Variants in EXTL2 observed in about 807,000 individuals in gnomAD.
The protein encoded by EXTL2 is exostosin-like 2.
A neutral mutation model predicts 30.7 loss-of-function variants in EXTL2; 23 were observed. That is an observed-to-expected ratio of 0.75 (90% CI 0.54 to 1.06). The LOEUF is 1.06. Among genes scored for constraint, EXTL2 ranks in the 50% least tolerant of loss-of-function variants. The pLI, the probability that EXTL2 is intolerant of heterozygous loss-of-function variation, is 0.00. For synonymous variants in EXTL2, 123 were observed against 133.8 expected (o/e 0.92, Z 0.56); for missense variants, 352 against 396.3 (o/e 0.89, Z 0.95).
At chr1:100,887,859 C>G (rs973812525) in intron 2 of EXTL2, among the ~76,000 whole-genome samples, 1 of 152,106 alleles carries the variant, frequency 6.6e-6, no homozygotes, top group Non-Finnish European at 1.5e-5. Context: ...CCATCACACC[C>G]GGCAAATTTT....
At chr1:100,875,230 GAC>G (rs10547668) in intron 4 of EXTL2, among the ~76,000 whole-genome samples, 28,924 of 149,268 alleles carry the variant, frequency 0.19, 2,812 homozygotes, top group African/African-American at 0.26. Context: ...CAGAACTAGG[GAC>G]ACACACACAC....
At position 100,888,822 on chromosome 1, in the gene EXTL2, CT is replaced by C; in HGVS notation, c.-66del. 7.6e-7 allele frequency: 1 copy of C among 1,310,268 alleles called. No homozygotes were observed. Among genetic ancestry groups the C allele is most frequent in the Non-Finnish European group, 1.1e-6 (1 of 945,786 alleles). The allele number at this position is 1,310,268 out of a possible 1,614,324, so 81.2% of individuals were successfully genotyped here. ...TCAGTAATTGACAGAAGCAGGCTCA[CT>C]TGTCACTATTAAGATAAATCAAAGA... On this transcript the variant is annotated 5_prime_UTR_variant, in exon 2 of 5. An upstream open reading frame in the 5' UTR loses its in-frame stop. Transcript: ENST00000370114.
In EXTL2 at chr1:100,873,086, C is replaced by A. The variant is rs905109117; in HGVS notation, c.*856G>T. 3 of 151,932 alleles carry A rather than the reference C, an allele frequency of 2.0e-5. No individual in the cohort carries two copies. The highest frequency in any genetic ancestry group is 7.2e-5 in the African/African-American group (3 of 41,398). The allele number at this position is 151,932 out of a possible 1,614,324, so 9.4% of individuals were successfully genotyped here. On this transcript the variant is annotated 3_prime_UTR_variant, in exon 5 of 5. Transcript: ENST00000370114. ...GTTTTAACTTCTGCCAGTTCTTACT[C>A]ATTTTTTTCAGGTTTTTTATACATT...
intron 2 of EXTL2, chr1:100,880,882 A>T: frequency 1.2e-6 from 1 of 834,810 alleles, no homozygotes; most frequent in Non-Finnish European, 1.4e-6. Context: ...TAGCAGTTTT[A>T]ATCTAGAAAA....
chr1:100,878,082 T>G (rs929262247), intron 2 of EXTL2, among the ~76,000 whole-genome samples, 179 bp from the exon 3 acceptor site: 1 of 152,124 alleles, frequency 6.6e-6, no homozygotes, highest in African/African-American at 2.4e-5. Context: ...AGTTTAATAT[T>G]CCCTTCCTTC....
intron 2 of EXTL2, among the ~76,000 whole-genome samples, chr1:100,882,113 A>C (rs1003111456): frequency 3.9e-5 from 6 of 152,214 alleles, no homozygotes; most frequent in African/African-American, 1.4e-4. Context: ...CCACCCATCC[A>C]TGGAAAAATT....
downstream of EXTL2, chr1:100,872,389 G>C (rs1326044291): frequency 6.6e-6 from 1 of 152,410 alleles, no homozygotes; most frequent in Non-Finnish European, 1.5e-5. Context: ...AGAACACATG[G>C]ATGGCAAAAG....
intron 1 of EXTL2, among the ~76,000 whole-genome samples, chr1:100,893,089 TA>T (rs1432727520): frequency 6.6e-6 from 1 of 152,210 alleles, no homozygotes; most frequent in African/African-American, 2.4e-5. Context: ...TCTGCATAGC[TA>T]ACCTAATGCA....
intron 4 of EXTL2, 88 bp from the exon 5 acceptor site, chr1:100,874,518 G>C: frequency 9.3e-7 from 1 of 1,079,760 alleles, no homozygotes; most frequent in Non-Finnish European, 1.3e-6. Context: ...CAGAGAGAAT[G>C]AAACTGATTT....
chr1:100,891,246 A>G (rs1477693128), intron 1 of EXTL2, among the ~76,000 whole-genome samples: 1 of 152,220 alleles, frequency 6.6e-6, no homozygotes, highest in Non-Finnish European at 1.5e-5. Flanking sequence ...AAGGATTAGT[A>G]TGCTTCTGGT....
At position 100,885,922 on chromosome 1, in the gene EXTL2, A is replaced by G. The variant is rs1007362643; in HGVS notation, c.5+2831T>C. On this transcript the variant is annotated intron_variant, in intron 2 of 4. Transcript: ENST00000370114. ...TACTTTTTTCACAAATCTAAAACAA[A>G]ATAATTTAAATTAGTTTGTGTTAAT... The G allele has an allele frequency of 3.9e-5, 6 of 152,282 alleles. No individual in the cohort carries two copies. The East Asian group carries it at 1.2e-3, about 29-fold the overall frequency. The allele number at this position is 152,282 out of a possible 1,614,324, so 9.4% of individuals were successfully genotyped here. A position where few individuals can be genotyped will look rare whatever the true frequency, so the allele number is the denominator to read the frequency against.
At chr1:100,878,920 C>G (rs1408465193) in intron 2 of EXTL2, among the ~76,000 whole-genome samples, 2 of 152,038 alleles carry the variant, frequency 1.3e-5, no homozygotes, top group East Asian at 3.9e-4. Flanking sequence ...ACAACTCGAT[C>G]TCTCACAGTA....
intron 2 of EXTL2, among the ~76,000 whole-genome samples, chr1:100,883,539 A>G (rs577580251): frequency 3.3e-5 from 5 of 152,300 alleles, no homozygotes; most frequent in African/African-American, 9.6e-5. Flanking sequence ...AATGTTTTTG[A>G]GGTTCATCCA....
Position 100,874,284 on chromosome 1 carries a change from G to A in EXTL2, c.651C>T (p.Phe217=). 1 of 1,612,972 alleles carries A rather than the reference G, an allele frequency of 6.2e-7. No homozygotes were observed. Among genetic ancestry groups the A allele is most frequent in the Non-Finnish European group, 8.5e-7 (1 of 1,179,436 alleles). Residue 217 remains phenylalanine, a synonymous_variant, in exon 5 of 5, where the codon TTC becomes TTT. Transcript: ENST00000370114. ...ATAATTCAAGATATTTGCTATTGAA[G>A]AATGAGGCTCCAATCAGCACCATAG... ...QYSMVLIGAS[F]FNSKYLELFQ... is the part of the protein sequence containing the mutation.
At chr1:100,882,876 C>T (rs1157725599) in intron 2 of EXTL2, among the ~76,000 whole-genome samples, 1 of 152,062 alleles carries the variant, frequency 6.6e-6, no homozygotes, top group African/African-American at 2.4e-5. Flanking sequence ...AAATACTGCC[C>T]CAATAATTAC....
In EXTL2 at chr1:100,873,923, G is replaced by GT; in HGVS notation, c.*18dup. ...CAAATGCCAAGCAGTTTTCAGGTTT[G>GT]TTTTTGTTTGTTTTACTTTTATATT... On this transcript the variant is annotated 3_prime_UTR_variant, in exon 5 of 5. Coordinates refer to ENST00000370114, the MANE Select transcript of EXTL2 (RefSeq NM_001033025.3). The GT allele has an allele frequency of 6.5e-7, 1 of 1,538,162 alleles. No individual in the cohort carries two copies. Among genetic ancestry groups the GT allele is most frequent in the Non-Finnish European group, 8.7e-7 (1 of 1,147,876 alleles).
In EXTL2 at chr1:100,872,477, A is replaced by ATTCTTT. The variant is rs1256121993; in HGVS notation, c.*1464_*1465insAAAGAA. ...ATATTGGACAAAACAGATAACTGAC[A>ATTCTTT]TTATCGATTTTTAGTAAGATTCTTA... On this transcript the variant is annotated 3_prime_UTR_variant, in exon 5 of 5. Coordinates refer to ENST00000370114, the MANE Select transcript of EXTL2 (RefSeq NM_001033025.3). The ATTCTTT allele has an allele frequency of 1.3e-5, 2 of 152,462 alleles. No individual in the cohort carries two copies. Among genetic ancestry groups the ATTCTTT allele is most frequent in the African/African-American group, 4.8e-5 (2 of 41,418 alleles). 9.4% of individuals were successfully genotyped at this position (152,462 alleles called of 1,614,324 possible). A position where few individuals can be genotyped will look rare whatever the true frequency, so the allele number is the denominator to read the frequency against.
At position 100,873,054 on chromosome 1, in the gene EXTL2, A is replaced by G. The variant is rs1648823576; in HGVS notation, c.*888T>C. The G allele has an allele frequency of 6.6e-6, 1 of 152,076 alleles. No homozygotes were observed. Among genetic ancestry groups the G allele is most frequent in the Non-Finnish European group, 1.5e-5 (1 of 67,970 alleles). 9.4% of individuals were successfully genotyped at this position (152,076 alleles called of 1,614,324 possible). A position where few individuals can be genotyped will look rare whatever the true frequency, so the allele number is the denominator to read the frequency against. On this transcript the variant is annotated 3_prime_UTR_variant, in exon 5 of 5. Coordinates refer to ENST00000370114, the MANE Select transcript of EXTL2 (RefSeq NM_001033025.3). ...GCTCTACCAATAAAGATCTTTTGAT[A>G]CAAAGGGTTTTAACTTCTGCCAGTT...
intron 2 of EXTL2, among the ~76,000 whole-genome samples, chr1:100,882,021 G>A (rs1649599355): frequency 6.6e-6 from 1 of 152,180 alleles, no homozygotes; most frequent in African/African-American, 2.4e-5. Context: ...TGCATGTGAG[G>A]GATCTAGGCT....
Sources: gnomAD v4.1 joint callset for allele counts (sites outside exome capture counted in the v4.1 genomes callset) on GRCh38, gnomAD v4.1.1 for gene constraint, MANE v1.5 for transcripts, NCBI Gene and HGNC (gene_info 2026-07-23, HGNC 2026-07-21) for gene names.